The following ANKRD30B variants were observed in gnomAD, a reference collection of about 807,000 sequenced individuals.
ANKRD30B encodes the protein ankyrin repeat domain-containing protein 30B.
A neutral mutation model predicts 202.2 loss-of-function variants in ANKRD30B; 144 were observed. The observed-to-expected ratio is 0.71, with a 90% confidence interval of 0.62 to 0.82. The LOEUF (loss-of-function observed/expected upper bound fraction) is 0.82, where lower values mean the gene tolerates loss of function less well. Among genes scored for constraint, ANKRD30B ranks in the 40% least tolerant of loss-of-function variants. The pLI, the probability that ANKRD30B is intolerant of heterozygous loss-of-function variation, is 0.00. For synonymous variants in ANKRD30B, 508 were observed against 561.3 expected (o/e 0.91, Z 1.34); for missense variants, 1,487 against 1,669.1 (o/e 0.89, Z 1.90).
At chr18:14,893,591 A>C in the ANKRD30B span, among the ~76,000 whole-genome samples, 2 of 152,022 alleles carry the variant, frequency 1.3e-5, no homozygotes, top group Non-Finnish European at 2.9e-5. Context: ...AGCCTGGACA[A>C]CAAGAGCTAG....
At chr18:14,794,710 A>T (rs1434792197) in intron 16 of ANKRD30B, among the ~76,000 whole-genome samples, 5 of 152,212 alleles carry the variant, frequency 3.3e-5, no homozygotes, top group African/African-American at 1.2e-4. Flanking sequence ...CATACCTGCA[A>T]CACGGTCATG....
the ANKRD30B span, among the ~76,000 whole-genome samples, chr18:14,922,909 T>C: frequency 6.6e-6 from 1 of 152,094 alleles, no homozygotes; most frequent in Non-Finnish European, 1.5e-5. Flanking sequence ...GAAGACTTGG[T>C]TTTGCATCTT....
At chr18:14,876,010 A>G in the ANKRD30B span, among the ~76,000 whole-genome samples, 1 of 152,118 alleles carries the variant, frequency 6.6e-6, no homozygotes, top group Non-Finnish European at 1.5e-5. Context: ...TGAAACTAAG[A>G]CATAGCTCAT....
chr18:14,929,651 G>A, the ANKRD30B span, among the ~76,000 whole-genome samples: 57 of 152,148 alleles, frequency 3.7e-4, 2 homozygotes, highest in East Asian at 3.7e-3. Flanking sequence ...ATAAGTATTC[G>A]TTGAGGACTT....
At chr18:14,771,563 CT>C (rs1967007290) in intron 8 of ANKRD30B, among the ~76,000 whole-genome samples, 1 of 152,174 alleles carries the variant, frequency 6.6e-6, no homozygotes, top group African/African-American at 2.4e-5. Flanking sequence ...GTAGGTTCAG[CT>C]TTTCAACATT....
At chr18:14,755,095 T>C (rs1207727256) in intron 4 of ANKRD30B, 90 bp downstream of exon 4, 46 of 714,060 alleles carry the variant, frequency 6.4e-5, no homozygotes, top group Admixed American at 3.0e-4. Context: ...TTAACAACAT[T>C]TAGTTAAAAT....
intron 3 of ANKRD30B, among the ~76,000 whole-genome samples, chr18:14,754,575 T>A (rs922083610): frequency 6.6e-6 from 1 of 152,116 alleles, no homozygotes; most frequent in African/African-American, 2.4e-5. Context: ...CTACTATGTC[T>A]TAGGGTTTAA....
chr18:14,772,078 C>A, intron 8 of ANKRD30B, 78 bp from the exon 9 acceptor site: 2 of 835,124 alleles, frequency 2.4e-6, no homozygotes, highest in Non-Finnish European at 1.7e-6. Flanking sequence ...ATAGAGTGAG[C>A]ACCAAGATAT....
chr18:14,861,568 G>A, the ANKRD30B span, among the ~76,000 whole-genome samples: 2 of 150,516 alleles, frequency 1.3e-5, no homozygotes, highest in Non-Finnish European at 3.0e-5. Flanking sequence ...TCAACGAGAA[G>A]ACTTAACTGT....
At chr18:14,772,958 A>G (rs1405305679) in intron 9 of ANKRD30B, among the ~76,000 whole-genome samples, 3 of 152,108 alleles carry the variant, frequency 2.0e-5, no homozygotes. Flanking sequence ...ACTAATTTTA[A>G]AAATAATTGT....
intron 28 of ANKRD30B, among the ~76,000 whole-genome samples, chr18:14,811,216 A>G (rs1385121042): frequency 6.6e-6 from 1 of 151,548 alleles, no homozygotes; most frequent in Admixed American, 6.6e-5. Flanking sequence ...AAATTTTGAT[A>G]TGGCGTCTCG....
Position 14,852,244 on chromosome 18 carries a change from C to A in ANKRD30B, c.4300C>A (p.Gln1434Lys). The A allele has an allele frequency of 1.3e-6, 2 of 1,562,036 alleles. No individual in the cohort carries two copies. The highest frequency in any genetic ancestry group is 8.7e-7 in the Non-Finnish European group (1 of 1,152,558). ...QLESKNRWLR[Q>K]QLVYAHKKVN... ...AGAAAGCAAAAATAGGTGGCTTCGA[C>A]AGCAATTAGTTTATGCACATAAGAA... Residue 1434 changes from glutamine to lysine, a missense_variant, in exon 42 of 44, where the codon CAG (glutamine) becomes AAG (lysine). Physicochemically the swap from Gln to Lys is moderately conservative, Grantham distance 53 (BLOSUM62 1). Coordinates refer to ENST00000690538, the MANE Select transcript of ANKRD30B (RefSeq NM_001367607.2).
chr18:14,781,175 T>A (rs1967713618), intron 11 of ANKRD30B, among the ~76,000 whole-genome samples: 1 of 152,292 alleles, frequency 6.6e-6, no homozygotes, highest in Non-Finnish European at 1.5e-5. Flanking sequence ...CTTACTACTT[T>A]TTCATTTTAT....
intron 32 of ANKRD30B, among the ~76,000 whole-genome samples, chr18:14,824,064 A>G (rs1970566547): frequency 6.6e-6 from 1 of 151,872 alleles, no homozygotes; most frequent in Non-Finnish European, 1.5e-5. Flanking sequence ...CATGTCTTAA[A>G]TTTTCAATAA....
the ANKRD30B span, among the ~76,000 whole-genome samples, chr18:14,874,496 A>T: frequency 2.0e-5 from 3 of 152,232 alleles, no homozygotes; most frequent in African/African-American, 7.2e-5. Flanking sequence ...ATCAACCTTA[A>T]CAATTAATGA....
chr18:14,900,792 T>C, the ANKRD30B span, among the ~76,000 whole-genome samples: 1 of 152,190 alleles, frequency 6.6e-6, no homozygotes, highest in African/African-American at 2.4e-5. Flanking sequence ...TGCTCACTTT[T>C]AATCCCTTTA....
the ANKRD30B span, among the ~76,000 whole-genome samples, chr18:14,934,948 ACC>A: frequency 1.7e-4 from 22 of 126,494 alleles, no homozygotes; most frequent in South Asian, 1.6e-3. Context: ...ACACACACAC[ACC>A]CCATCGTGTC....
the ANKRD30B span, among the ~76,000 whole-genome samples, chr18:14,867,479 A>G: frequency 6.6e-6 from 1 of 152,028 alleles, no homozygotes; most frequent in Admixed American, 6.5e-5. Flanking sequence ...TGGAGCGCAG[A>G]GGGTGCACAG....
downstream of ANKRD30B, among the ~76,000 whole-genome samples, chr18:14,855,349 C>T (rs1212154090): frequency 6.6e-6 from 1 of 152,230 alleles, no homozygotes; most frequent in Non-Finnish European, 1.5e-5. Context: ...TTCCTTTTCC[C>T]CACATTTCCC....
Sources: allele counts gnomAD v4.1 joint callset (sites outside exome capture counted in the v4.1 genomes callset), GRCh38; gene constraint gnomAD v4.1.1; transcripts MANE v1.5; gene names NCBI Gene and HGNC (gene_info 2026-07-23, HGNC 2026-07-21).